The following INSL4 variants were observed in gnomAD, a reference collection of about 807,000 sequenced individuals.
INSL4 encodes the protein early placenta insulin-like peptide.
A neutral mutation model predicts 6.5 loss-of-function variants in INSL4; 7 were observed. The ratio of observed to expected loss-of-function variants is 1.08; its 90% confidence interval spans 0.61 to 2.02. The LOEUF (loss-of-function observed/expected upper bound fraction) is 2.02. Ranked by LOEUF, INSL4 falls within the 30% of genes most tolerant of loss-of-function variation. The pLI, the probability that INSL4 is intolerant of heterozygous loss-of-function variation, is 0.00. For missense variants in INSL4, 226 were observed against 163.2 expected, an observed-to-expected ratio of 1.38 and a Z score of -2.09; for synonymous variants, 82 against 65.8, an observed-to-expected ratio of 1.25 and a Z score of -1.19.
At chr9:5,233,101 A>C (rs1826172528) in intron 1 of INSL4, among the ~76,000 whole-genome samples, 1 of 152,178 alleles carries the variant, frequency 6.6e-6, no homozygotes, top group African/African-American at 2.4e-5. Flanking sequence ...ATCCTCATTT[A>C]AATACTTTGA....
Position 5,233,814 on chromosome 9 carries a change from A to T in INSL4, c.357A>T (p.Arg119Ser), listed in dbSNP as rs775011206. The T allele has an allele frequency of 1.2e-6, 2 of 1,613,672 alleles. No homozygotes were observed. The highest frequency in any genetic ancestry group is 1.3e-5 in the African/African-American group (1 of 75,030). ...GCAAAAAGAGAAGTGGACGTCACAG[A>T]TTTGATCCATTCTGTTGTGAAGTAA... Reference protein sequence around the residue: ...LSRKKRSGRHRFDPFCCEVIC... With the variant: ...LSRKKRSGRHSFDPFCCEVIC... The change falls in exon 2 of 2, where the codon AGA becomes AGT. Residue 119 changes from arginine (R) to serine (S), a missense_variant. By Grantham distance (110) the Arg-to-Ser change is moderately radical (BLOSUM62 -1). Transcript: ENST00000239316.
At position 5,233,670 on chromosome 9, in the gene INSL4, C is replaced by G; in HGVS notation, c.213C>G (p.Ser71=). The G allele has an allele frequency of 2.5e-6, 4 of 1,613,178 alleles. No homozygotes were observed. In the South Asian group the frequency reaches 4.4e-5, roughly 18 times the overall value. The part of the protein sequence containing the change: ...SGRPKEMVST[S]NNKDGQALGT... ...ACTTCACAGAAATGGTGTCAACCTC[C>G]AACAACAAAGATGGACAAGCCTTAG... is the stretch of plus-strand genomic sequence containing the variant. The change falls in exon 2 of 2, where the codon TCC becomes TCG. Residue 71 remains serine, a synonymous_variant. Coordinates refer to ENST00000239316, the MANE Select transcript of INSL4 (RefSeq NM_002195.2).
intron 1 of INSL4, among the ~76,000 whole-genome samples, chr9:5,232,294 G>A (rs751381883): frequency 6.6e-6 from 1 of 152,094 alleles, no homozygotes; most frequent in African/African-American, 2.4e-5. Flanking sequence ...TCATTAAGCT[G>A]GGCAGTGGTC....
At position 5,234,753 on chromosome 9, in the gene INSL4, T is replaced by C. The variant is rs986558760; in HGVS notation, c.*876T>C. On this transcript the variant is annotated 3_prime_UTR_variant, in exon 2 of 2. Coordinates refer to ENST00000239316, the MANE Select transcript of INSL4 (RefSeq NM_002195.2). Reference sequence around the variant, plus strand: ...TCTGTCAGTGAGGTTCTACTAGTTGTGTTTGTTTGTTTGCAGGCTAACTGA... The same window carrying C: ...TCTGTCAGTGAGGTTCTACTAGTTGCGTTTGTTTGTTTGCAGGCTAACTGA... 4 of 152,142 alleles carry C rather than the reference T, an allele frequency of 2.6e-5. No homozygotes were observed. Among genetic ancestry groups the C allele is most frequent in the African/African-American group, 9.6e-5 (4 of 41,458 alleles). 9.4% of individuals were successfully genotyped at this position (152,142 alleles called of 1,614,324 possible).
chr9:5,233,531 T>C, intron 1 of INSL4, 123 bp from the exon 2 acceptor site: 1 of 678,162 alleles, frequency 1.5e-6, no homozygotes, highest in Non-Finnish European at 2.5e-6. Context: ...GCTGATTCTC[T>C]CTGGTGTTTA....
intron 1 of INSL4, among the ~76,000 whole-genome samples, chr9:5,232,537 T>G (rs1826163876): frequency 6.6e-6 from 1 of 152,152 alleles, no homozygotes; most frequent in African/African-American, 2.4e-5. Context: ...CATTTGAGAC[T>G]GCAAAGCATT....
intron 1 of INSL4, 83 bp downstream of exon 1, chr9:5,231,802 C>T: frequency 8.3e-7 from 1 of 1,211,752 alleles, no homozygotes; most frequent in Non-Finnish European, 1.2e-6. Flanking sequence ...GTAGTCAACT[C>T]AGACTCTACT....
At position 5,231,482 on chromosome 9, in the gene INSL4, G is replaced by A. The variant is rs1826143542; in HGVS notation, c.-42G>A. Reference sequence around the variant, plus strand: ...TAGGCTACAGCAGCAAGTCTCTAAAGAAAGGCTGAGAACACCCAGAACAGG... The same window carrying A: ...TAGGCTACAGCAGCAAGTCTCTAAAAAAAGGCTGAGAACACCCAGAACAGG... On this transcript the variant is annotated 5_prime_UTR_variant, in exon 1 of 2. Coordinates refer to ENST00000239316, the MANE Select transcript of INSL4 (RefSeq NM_002195.2). 1.3e-6 allele frequency: 2 copies of A among 1,584,172 alleles called. No homozygotes were observed. Among genetic ancestry groups the A allele is most frequent in the Non-Finnish European group, 1.7e-6 (2 of 1,163,732 alleles).
chr9:5,234,102 A>C lies in INSL4; in HGVS notation c.*225A>C, dbSNP rs1339207816. On this transcript the variant is annotated 3_prime_UTR_variant, in exon 2 of 2. Transcript: ENST00000239316. ...TAGTACAATGGGGAAATTATACTTAACAATAATTCACTGTATATTCCAAAA... is the reference window on the plus strand; with the variant it reads ...TAGTACAATGGGGAAATTATACTTACCAATAATTCACTGTATATTCCAAAA... The C allele has an allele frequency of 4.2e-6, 2 of 480,852 alleles. No individual in the cohort carries two copies. The highest frequency in any genetic ancestry group is 3.9e-5 in the African/African-American group (2 of 51,336). The allele number at this position is 480,852 out of a possible 1,614,324, so 29.8% of individuals were successfully genotyped here.
In INSL4 at chr9:5,233,676, C is replaced by T. The variant is rs765257044; in HGVS notation, c.219C>T (p.Asn73=). Residue 73 remains asparagine (N), a synonymous_variant, in exon 2 of 2, where the codon AAC becomes AAT. Coordinates refer to ENST00000239316, the MANE Select transcript of INSL4 (RefSeq NM_002195.2). The part of the protein sequence containing the change: ...RPKEMVSTSN[N]KDGQALGTTS... Reference sequence around the variant, plus strand: ...CAGAAATGGTGTCAACCTCCAACAACAAAGATGGACAAGCCTTAGGTACGA... The same window carrying T: ...CAGAAATGGTGTCAACCTCCAACAATAAAGATGGACAAGCCTTAGGTACGA... 4 of 1,613,386 alleles carry T rather than the reference C, an allele frequency of 2.5e-6. No homozygotes were observed. In the South Asian group the frequency reaches 3.3e-5, roughly 13 times the overall value.
rs1434329922 is a variant in INSL4 at position 5,235,125 on chromosome 9, C to G, written c.*1248C>G. The G allele has an allele frequency of 1.3e-5, 2 of 152,848 alleles. No homozygotes were observed. Among genetic ancestry groups the G allele is most frequent in the African/African-American group, 4.8e-5 (2 of 41,402 alleles). 9.5% of individuals were successfully genotyped at this position (152,848 alleles called of 1,614,324 possible). On this transcript the variant is annotated 3_prime_UTR_variant, in exon 2 of 2. Transcript: ENST00000239316. Reference sequence around the variant, plus strand: ...GGACAAGTAGAAGCCCAGGAAAATGCACAAAGGCCTGGAAGCATAGCATGT... The same window carrying G: ...GGACAAGTAGAAGCCCAGGAAAATGGACAAAGGCCTGGAAGCATAGCATGT...
chr9:5,231,821 T>C lies in INSL4; in HGVS notation c.196+102T>C, dbSNP rs1203943834. The C allele has an allele frequency of 3.0e-6, 3 of 994,748 alleles. No homozygotes were observed. The African/African-American group carries it at 5.0e-5, about 17-fold the overall frequency. The allele number at this position is 994,748 out of a possible 1,614,324, so 61.6% of individuals were successfully genotyped here. On this transcript the variant is annotated intron_variant, in intron 1 of 1. Transcript: ENST00000239316. The stretch of plus-strand genomic sequence containing the variant: ...TCAACTCAGACTCTACTGTGGCTAG[T>C]GCCTACAAGTTTGTGGTTTTTCATT...
chr9:5,232,502 T>C (rs1174862775), intron 1 of INSL4, among the ~76,000 whole-genome samples: 2 of 152,132 alleles, frequency 1.3e-5, no homozygotes, highest in Non-Finnish European at 2.9e-5. Flanking sequence ...CAGACCATCA[T>C]AGCTGATTTG....
At chr9:5,233,585 A>G (rs1347609946) in intron 1 of INSL4, 69 bp from the exon 2 acceptor site, 3 of 1,244,748 alleles carry the variant, frequency 2.4e-6, no homozygotes, top group Admixed American at 1.9e-5. Context: ...GGCAAATTGT[A>G]TAATTTTTCT....
chr9:5,232,545 A>G (rs893838622), intron 1 of INSL4, among the ~76,000 whole-genome samples: 1 of 152,270 alleles, frequency 6.6e-6, no homozygotes, highest in South Asian at 2.1e-4. Flanking sequence ...ACTGCAAAGC[A>G]TTTTCTTTAA....
Position 5,231,533 on chromosome 9 carries a change from C to G in INSL4, c.10C>G (p.Leu4Val). The G allele has an allele frequency of 1.2e-6, 2 of 1,612,760 alleles. No individual in the cohort carries two copies. The highest frequency in any genetic ancestry group is 2.2e-5 in the East Asian group (1 of 44,838). Reference protein sequence around the residue: MASLFRSYLPAIWL... With the variant: MASVFRSYLPAIWL... ...AGAGTTCAGGTCCAGGATGGCCAGC[C>G]TGTTCCGGTCCTATCTGCCAGCAAT... The change falls in exon 1 of 2, where the codon CTG becomes GTG. Residue 4 changes from leucine to valine, a missense_variant. Leu to Val is a conservative substitution (Grantham distance 32). Transcript: ENST00000239316.
chr9:5,232,061 A>G (rs1290120978), intron 1 of INSL4, among the ~76,000 whole-genome samples: 2 of 151,890 alleles, frequency 1.3e-5, no homozygotes, highest in East Asian at 3.9e-4. Context: ...GTACTCCCAG[A>G]CCCCCAGGAA....
At position 5,235,131 on chromosome 9, in the gene INSL4, G is replaced by C. The variant is rs1826207852; in HGVS notation, c.*1254G>C. On this transcript the variant is annotated 3_prime_UTR_variant, in exon 2 of 2. Coordinates refer to ENST00000239316, the MANE Select transcript of INSL4 (RefSeq NM_002195.2). ...GTAGAAGCCCAGGAAAATGCACAAA[G>C]GCCTGGAAGCATAGCATGTGTGGAA... 6.5e-6 allele frequency: 1 copy of C among 152,984 alleles called. No homozygotes were observed. The highest frequency in any genetic ancestry group is 1.5e-5 in the Non-Finnish European group (1 of 68,092). 9.5% of individuals were successfully genotyped at this position (152,984 alleles called of 1,614,324 possible). A position where few individuals can be genotyped will look rare whatever the true frequency, so the allele number is the denominator to read the frequency against.
Position 5,231,485 on chromosome 9 carries a change from A to G in INSL4, c.-39A>G. On this transcript the variant is annotated 5_prime_UTR_variant, in exon 1 of 2. Transcript: ENST00000239316. ...GCTACAGCAGCAAGTCTCTAAAGAA[A>G]GGCTGAGAACACCCAGAACAGGAGA... is the stretch of plus-strand genomic sequence containing the variant. 6.3e-7 allele frequency: 1 copy of G among 1,587,538 alleles called. No homozygotes were observed. Among genetic ancestry groups the G allele is most frequent in the Admixed American group, 1.7e-5 (1 of 57,870 alleles).
Sources: gnomAD v4.1 joint callset for allele counts (sites outside exome capture counted in the v4.1 genomes callset) on GRCh38, gnomAD v4.1.1 for gene constraint, MANE v1.5 for transcripts, NCBI Gene and HGNC (gene_info 2026-07-23, HGNC 2026-07-21) for gene names.